COL6A1: variants seen among roughly 807,000 people sequenced by gnomAD.
The protein encoded by COL6A1 is collagen alpha-1(VI) chain.
Under a neutral mutation model 145.6 loss-of-function variants are expected in COL6A1, and 80 were observed. The ratio of observed to expected loss-of-function variants is 0.55; its 90% confidence interval spans 0.46 to 0.66. The LOEUF (loss-of-function observed/expected upper bound fraction) is 0.66, where lower values mean the gene tolerates loss of function less well. Ranked by LOEUF, COL6A1 falls within the 30% of genes least tolerant of loss-of-function variation. The pLI is 0.00. For missense variants in COL6A1, 1,364 were observed against 1,473.8 expected (o/e 0.93, Z 1.22); for synonymous variants, 638 against 622.8 (o/e 1.02, Z -0.36).
intron 13 of COL6A1, 135 bp from the exon 14 acceptor site, chr21:45,990,638 C>A: frequency 1.4e-6 from 1 of 699,034 alleles, no homozygotes; most frequent in Non-Finnish European, 2.4e-6. Context: ...GTGAAGGTGA[C>A]CCCAGGGGGG....
At position 45,999,794 on chromosome 21, in the gene COL6A1, G is replaced by GT. The variant is rs940577889; in HGVS notation, c.1776+102_1776+103insT. On this transcript the variant is annotated intron_variant, in intron 27 of 34. Transcript: ENST00000361866. ...GGTGCTCCTGTAGACGCTGCTCACG[G>GT]GGGGGTGGGTTGTGGACAAAGAGCT... 8.9e-5 allele frequency: 87 copies of GT among 973,632 alleles called. 3 individuals carry two copies. The highest frequency in any genetic ancestry group is 5.1e-4 in the Admixed American group (24 of 47,466). The allele number at this position is 973,632 out of a possible 1,614,324, so 60.3% of individuals were successfully genotyped here.
rs748707382 is a variant in COL6A1 at position 45,981,825 on chromosome 21, CTG to C, written c.-21_-20del. On this transcript the variant is annotated 5_prime_UTR_variant, in exon 1 of 35. Transcript: ENST00000361866. The stretch of plus-strand genomic sequence containing the variant: ...GGCGGCCCACTCTGCCCTGGCCGCG[CTG>C]TGTGGTGACCGCAGGCCCCAGACAT... 3 of 1,547,584 alleles carry C rather than the reference CTG, an allele frequency of 1.9e-6. No individual in the cohort carries two copies. The highest frequency in any genetic ancestry group is 2.4e-5 in the South Asian group (2 of 84,370).
Position 45,981,857 on chromosome 21 carries a change from G to C in COL6A1, c.7G>C (p.Ala3Pro). 6.3e-7 allele frequency: 1 copy of C among 1,587,108 alleles called. No homozygotes were observed. The highest frequency in any genetic ancestry group is 8.6e-7 in the Non-Finnish European group (1 of 1,169,256). ...GTGACCGCAGGCCCCAGACATGAGG[G>C]CGGCCCGTGCTCTGCTGCCCCTGCT... is the stretch of plus-strand genomic sequence containing the variant. Reference protein sequence around the residue: MRAARALLPLLLQ... With the variant: MRPARALLPLLLQ... The change falls in exon 1 of 35, where the codon GCG becomes CCG. Residue 3 changes from alanine to proline, a missense_variant. This residue lies in a region of COL6A1 where 414 missense variants were observed against 437.6 expected (regional missense o/e 0.95). Transcript: ENST00000361866.
chr21:46,002,434 C>T (rs575575350), intron 32 of COL6A1, 33 bp downstream of exon 32: 17 of 1,612,024 alleles, frequency 1.1e-5, no homozygotes, highest in East Asian at 4.5e-5. Context: ...GCACCTGCCC[C>T]GCCTAGGGCG....
rs148561616 is a variant in COL6A1, at chr21:46,003,719, G to A, written c.2793G>A (p.Ser931=). The A allele has an allele frequency of 4.6e-5, 74 of 1,613,002 alleles. No homozygotes were observed. Among genetic ancestry groups the A allele is most frequent in the African/African-American group, 2.7e-4 (20 of 75,074 alleles). The change falls in exon 35 of 35, where the codon TCG becomes TCA. Residue 931 remains serine (S), a synonymous_variant. Transcript: ENST00000361866. ...GYVTRFYREA[S]SGAAKKRLLL... ...TGACCCGCTTCTACCGCGAGGCCTC[G>A]TCCGGCGCTGCCAAGAAGAGGCTGC...
Position 45,997,660 on chromosome 21 carries a change from T to C in COL6A1, c.1462-40T>C, listed in dbSNP as rs373644779. On this transcript the variant is annotated intron_variant, in intron 21 of 34. Coordinates refer to ENST00000361866, the MANE Select transcript of COL6A1 (RefSeq NM_001848.3). ...GCCCTGCTTCCCTCCAAGGTCACCATGCTAAGCCTGCTCCCCTCACGCCTC... is the reference window on the plus strand; with the variant it reads ...GCCCTGCTTCCCTCCAAGGTCACCACGCTAAGCCTGCTCCCCTCACGCCTC... 8.2e-5 allele frequency: 129 copies of C among 1,568,304 alleles called. No individual in the cohort carries two copies. In the African/African-American group the frequency reaches 1.5e-3, roughly 18 times the overall value.
At chr21:45,997,662 C>G in intron 21 of COL6A1, 38 bp from the exon 22 acceptor site, 1 of 1,569,254 alleles carries the variant, frequency 6.4e-7, no homozygotes, top group Non-Finnish European at 8.6e-7. Flanking sequence ...GGTCACCATG[C>G]TAAGCCTGCT....
rs755810661 is a variant in COL6A1, at chr21:45,998,427, G to A, written c.1605G>A (p.Gly535=). The A allele has an allele frequency of 2.5e-6, 4 of 1,613,298 alleles. No individual in the cohort carries two copies. The highest frequency in any genetic ancestry group is 4.5e-5 in the East Asian group (2 of 44,882). The change falls in exon 24 of 35, where the codon GGG becomes GGA. Residue 535 remains glycine, a synonymous_variant. Transcript: ENST00000361866. ...PGYPGNRGAP[G]INGTKGYPGL... Reference sequence around the variant, plus strand: ...ATCCGGGCAACAGGGGCGCTCCCGGGATAAACGTGAGTACGCCCCCTCCTC... The same window carrying A: ...ATCCGGGCAACAGGGGCGCTCCCGGAATAAACGTGAGTACGCCCCCTCCTC...
chr21:46,002,371 G>A lies in COL6A1; in HGVS notation c.2220G>A (p.Pro740=), dbSNP rs138976133. The change falls in exon 32 of 35, where the codon CCG becomes CCA. Residue 740 remains proline, a synonymous_variant. Coordinates refer to ENST00000361866, the MANE Select transcript of COL6A1 (RefSeq NM_001848.3). The stretch of plus-strand genomic sequence containing the variant: ...CAGACACTCAGAGGGACACCACACC[G>A]CTCAACGTGCTCTGCAGCCCCGGCA... ...GRSDTQRDTT[P]LNVLCSPGIQ... is the part of the protein sequence containing the mutation. The A allele has an allele frequency of 1.0e-3, 1,597 of 1,594,070 alleles. 7 individuals are homozygous for A. The highest frequency in any genetic ancestry group is 7.3e-3 in the Middle Eastern group (44 of 6,042).
intron 3 of COL6A1, among the ~76,000 whole-genome samples, chr21:45,985,169 T>G (rs1341655680): frequency 1.0e-4 from 8 of 78,084 alleles, no homozygotes; most frequent in South Asian, 5.3e-4. Flanking sequence ...GACAGAAACA[T>G]ACAGAGACAG....
At chr21:45,983,354 G>C (rs1415662649) in intron 2 of COL6A1, among the ~76,000 whole-genome samples, 1 of 151,960 alleles carries the variant, frequency 6.6e-6, no homozygotes, top group African/African-American at 2.4e-5. Flanking sequence ...GACAGACCGG[G>C]GGGAGAGGGG....
chr21:45,986,671 A>T lies in COL6A1; in HGVS notation c.574A>T (p.Thr192Ser). 1.3e-6 allele frequency: 2 copies of T among 1,547,864 alleles called. No individual in the cohort carries two copies. The highest frequency in any genetic ancestry group is 1.7e-6 in the Non-Finnish European group (2 of 1,146,972). Residue 192 changes from threonine to serine, a missense_variant, in exon 4 of 35, where the codon ACA becomes TCA. By Grantham distance (58) the Thr-to-Ser change is moderately conservative. This residue lies in a region of COL6A1 where 414 missense variants were observed against 437.6 expected (regional missense o/e 0.95). Transcript: ENST00000361866. ...CGTCAAAGTCTTCTCGGTGGCCATC[A>T]CACCCGACCACCTGGTAGGCACCGG... Reference protein sequence around the residue: ...LGVKVFSVAITPDHLEPRLSI... With the variant: ...LGVKVFSVAISPDHLEPRLSI...
Position 45,999,152 on chromosome 21 carries a change from GAAC to G in COL6A1, c.1678_1680del (p.Asn560del). ...GTTGACACAACGCTGTTCCCTTCTA[GAAC>G]AACGACATTGCACCCCGAGGAGTCA... is the stretch of plus-strand genomic sequence containing the variant. On this transcript the variant is annotated inframe_deletion and splice_region_variant, in exon 26 of 35. Transcript: ENST00000361866. 1 of 1,597,616 alleles carries G rather than the reference GAAC, an allele frequency of 6.3e-7. No individual in the cohort carries two copies. Among genetic ancestry groups the G allele is most frequent in the Non-Finnish European group, 8.5e-7 (1 of 1,172,942 alleles).
At position 45,992,807 on chromosome 21, in the gene COL6A1, C is replaced by A. The variant is rs1165057320; in HGVS notation, c.1332C>A (p.Asp444Glu). 1 of 1,596,820 alleles carries A rather than the reference C, an allele frequency of 6.3e-7. No homozygotes were observed. Among genetic ancestry groups the A allele is most frequent in the Non-Finnish European group, 8.5e-7 (1 of 1,172,120 alleles). Residue 444 changes from aspartate to glutamate, a missense_variant, in exon 19 of 35, where the codon GAC (aspartate) becomes GAA (glutamate). Physicochemically the swap from Asp to Glu is conservative, Grantham distance 45 (BLOSUM62 2). Around this residue, in one of 3 missense-constraint regions of COL6A1, gnomAD observed 938 missense variants for 1,003.8 expected, o/e 0.93. Transcript: ENST00000361866. Reference sequence around the variant, plus strand: ...CAGGCACGCGGGGACCAAGAGGAGACCCTGTGAGTCACAGTTCCTGGAGCT... The same window carrying A: ...CAGGCACGCGGGGACCAAGAGGAGAACCTGTGAGTCACAGTTCCTGGAGCT... Reference protein sequence around the residue: ...GTPGTRGPRGDPGEAGPQGDQ... With the variant: ...GTPGTRGPRGEPGEAGPQGDQ...
Position 46,002,354 on chromosome 21 carries a change from C to G in COL6A1, c.2203C>G (p.Gln735Glu). Residue 735 changes from glutamine (Q) to glutamate (E), a missense_variant, in exon 32 of 35, where the codon CAG becomes GAG. By Grantham distance (29) the Gln-to-Glu change is conservative. Coordinates refer to ENST00000361866, the MANE Select transcript of COL6A1 (RefSeq NM_001848.3). ...CATCACTGACGGGCGCTCAGACACT[C>G]AGAGGGACACCACACCGCTCAACGT... ...LVITDGRSDT[Q>E]RDTTPLNVLC... 1 of 1,592,822 alleles carries G rather than the reference C, an allele frequency of 6.3e-7. No individual in the cohort carries two copies. Among genetic ancestry groups the G allele is most frequent in the Non-Finnish European group, 8.5e-7 (1 of 1,170,352 alleles).
intron 34 of COL6A1, 104 bp from the exon 35 acceptor site, chr21:46,003,287 C>A: frequency 1.2e-6 from 2 of 1,602,944 alleles, no homozygotes; most frequent in Non-Finnish European, 1.7e-6. Context: ...GGCTGAGCAC[C>A]ACCGTGCCGT....
intron 21 of COL6A1, 75 bp from the exon 22 acceptor site, chr21:45,997,624 GC>G: frequency 6.4e-7 from 1 of 1,551,000 alleles, no homozygotes; most frequent in Non-Finnish European, 8.8e-7. Context: ...ACCTCTCCCG[GC>G]CCCAGGAGGG....
intron 15 of COL6A1, 111 bp downstream of exon 15, chr21:45,991,152 C>T (rs891882177): frequency 1.9e-5 from 24 of 1,248,526 alleles, no homozygotes; most frequent in African/African-American, 6.0e-5. Context: ...GCCACCCGTG[C>T]GGCCTCAGAG....
At chr21:46,001,813 A>T (rs1338473285) in intron 30 of COL6A1, 148 bp from the exon 31 acceptor site, 12 of 701,142 alleles carry the variant, frequency 1.7e-5, no homozygotes, top group Non-Finnish European at 3.0e-5. Flanking sequence ...CCCTCTGTGC[A>T]CCCAGAGCCA....
Sources: allele counts gnomAD v4.1 joint callset (sites outside exome capture counted in the v4.1 genomes callset), GRCh38; gene constraint gnomAD v4.1.1; regional missense constraint gnomAD v4.1.1; transcripts MANE v1.5; gene names NCBI Gene and HGNC (gene_info 2026-07-23, HGNC 2026-07-21).